ARMC9: variants seen among roughly 807,000 people sequenced by gnomAD.
ARMC9 encodes the protein lisH domain-containing protein ARMC9.
ARMC9 carries 94 observed loss-of-function variants against 107.0 expected under a neutral mutation model. That is an observed-to-expected ratio of 0.88 (90% CI 0.74 to 1.04). The LOEUF is 1.04. Ranked by LOEUF, ARMC9 falls within the 50% of genes least tolerant of loss-of-function variation. The pLI is 0.00. For missense variants in ARMC9, 942 were observed against 1,030.1 expected (o/e 0.91, Z 1.17); for synonymous variants, 380 against 396.9 (o/e 0.96, Z 0.51).
At chr2:231,284,704 A>G (rs904847359) in intron 17 of ARMC9, among the ~76,000 whole-genome samples, 1 of 152,222 alleles carries the variant, frequency 6.6e-6, no homozygotes, top group African/African-American at 2.4e-5. Flanking sequence ...TCTTGGTTAC[A>G]CAGACCCACC....
chr2:231,252,689 T>G (rs57497918), intron 9 of ARMC9, among the ~76,000 whole-genome samples: 18,360 of 152,098 alleles, frequency 0.12, 2,180 homozygotes, highest in African/African-American at 0.3. Flanking sequence ...CAGGCTGGAG[T>G]GCAATGGTGT....
chr2:231,297,127 C>T lies in ARMC9; in HGVS notation c.1773+874C>T, dbSNP rs2041427933. Among the ~76,000 whole-genome samples, 1 of 152,034 alleles carries T rather than the reference C, an allele frequency of 6.6e-6. No homozygotes were observed. The highest frequency in any genetic ancestry group is 6.6e-5 in the Admixed American group (1 of 15,262). On this transcript the variant is annotated intron_variant, in intron 19 of 24. Coordinates refer to ENST00000611582, the MANE Select transcript of ARMC9 (RefSeq NM_001352754.2). The surrounding 1 kb of genome is among the most constrained non-coding windows in gnomAD (Gnocchi z 4.2). ...GTTGGGAAAGAGGTATTTAAGAGCC[C>T]CTGCCAGAGAGGATCTGCTAAGATC...
chr2:231,267,179 G>A (rs542889925), intron 12 of ARMC9, among the ~76,000 whole-genome samples: 2 of 152,260 alleles, frequency 1.3e-5, no homozygotes, highest in East Asian at 1.9e-4. Flanking sequence ...AACACAGAGC[G>A]TCTGGCGGAA....
intron 13 of ARMC9, among the ~76,000 whole-genome samples, chr2:231,272,572 G>A (rs999904458): frequency 3.3e-5 from 5 of 151,626 alleles, no homozygotes; most frequent in African/African-American, 9.7e-5. Context: ...GCTAGAGTGT[G>A]GTGGCACGAT....
chr2:231,259,615 ACT>A (rs1022892402), intron 11 of ARMC9, among the ~76,000 whole-genome samples: 3 of 151,930 alleles, frequency 2.0e-5, no homozygotes, highest in African/African-American at 4.8e-5. Flanking sequence ...GACCCTTTCC[ACT>A]CTCAACAATG....
intron 21 of ARMC9, among the ~76,000 whole-genome samples, chr2:231,353,994 C>CAT (rs2045224140): frequency 8.4e-6 from 1 of 118,928 alleles, no homozygotes; most frequent in African/African-American, 5.8e-5. Flanking sequence ...CACACACACA[C>CAT]ACACACACAC....
At chr2:231,293,097 T>G (rs1449384302) in intron 18 of ARMC9, among the ~76,000 whole-genome samples, 12 of 152,184 alleles carry the variant, frequency 7.9e-5, no homozygotes, top group Non-Finnish European at 1.8e-4. Context: ...ACCTTTGTCC[T>G]TTTTAGGCTG....
chr2:231,271,768 G>A (rs2039345742), intron 13 of ARMC9, among the ~76,000 whole-genome samples: 1 of 152,166 alleles, frequency 6.6e-6, no homozygotes, highest in Admixed American at 6.5e-5. Flanking sequence ...TGAAACTTAT[G>A]TCTGAAATTA....
chr2:231,282,048 TC>T lies in ARMC9; in HGVS notation c.1552-7del. 3 of 1,613,646 alleles carry T rather than the reference TC, an allele frequency of 1.9e-6. No individual in the cohort carries two copies. The highest frequency in any genetic ancestry group is 2.5e-6 in the Non-Finnish European group (3 of 1,179,636). ...ACTTGCAAATAACTGGTTTTTTTCC[TC>T]CCCTTAAAGATACAGCCGTATGTGA... On this transcript the variant is annotated splice_polypyrimidine_tract_variant and intron_variant, in intron 16 of 24. Transcript: ENST00000611582.
At chr2:231,336,827 T>G (rs1322990605) in intron 20 of ARMC9, among the ~76,000 whole-genome samples, 1 of 152,228 alleles carries the variant, frequency 6.6e-6, no homozygotes, top group African/African-American at 2.4e-5. Flanking sequence ...CCCTGGAGAC[T>G]TGGCCCATTT....
intron 17 of ARMC9, chr2:231,288,765 G>A (rs996378879): frequency 8.5e-6 from 4 of 470,002 alleles, no homozygotes; most frequent in Admixed American, 4.7e-5. Context: ...GAGGGGCTAC[G>A]CACCGTGGTT....
intron 9 of ARMC9, among the ~76,000 whole-genome samples, chr2:231,242,091 C>T (rs1418655373): frequency 6.6e-6 from 1 of 152,100 alleles, no homozygotes; most frequent in Non-Finnish European, 1.5e-5. Context: ...AGTTTTCTAC[C>T]CTTCAGGCTT....
chr2:231,375,871 G>A lies in ARMC9; in HGVS notation c.*4336G>A, dbSNP rs538329244. 6.6e-6 allele frequency among the ~76,000 whole-genome samples: 1 copy of A among 152,240 alleles called. No individual in the cohort carries two copies. Among genetic ancestry groups the A allele is most frequent in the Non-Finnish European group, 1.5e-5 (1 of 68,050 alleles). ...GGTGAGAAAGAAGACAGCAGGTGTT[G>A]TGGGAAGTCAGGGACCCCAAACGGA... On this transcript the variant is annotated 3_prime_UTR_variant, in exon 25 of 25. Transcript: ENST00000611582. The surrounding 1 kb of genome is among the most constrained non-coding windows in gnomAD (Gnocchi z 4.3).
chr2:231,326,425 C>A (rs75461580), intron 19 of ARMC9, among the ~76,000 whole-genome samples: 1 of 152,216 alleles, frequency 6.6e-6, no homozygotes, highest in African/African-American at 2.4e-5. Context: ...CCTCAGTAGC[C>A]CCTTCCCTGA....
intron 14 of ARMC9, 65 bp from the exon 15 acceptor site, chr2:231,276,571 A>G (rs2039772858): frequency 3.1e-6 from 5 of 1,604,106 alleles, no homozygotes; most frequent in Admixed American, 1.7e-5. Context: ...CTTCCAGCCT[A>G]CTGTTTCCTC....
chr2:231,215,103 G>T (rs1002448065), intron 4 of ARMC9, 102 bp downstream of exon 4: 28 of 1,369,672 alleles, frequency 2.0e-5, no homozygotes, highest in Non-Finnish European at 2.7e-5. Context: ...TGGCTGTGCT[G>T]TCATAATGCT....
intron 1 of ARMC9, among the ~76,000 whole-genome samples, chr2:231,199,996 C>T (rs1186832464): frequency 4.6e-5 from 7 of 152,154 alleles, no homozygotes; most frequent in Non-Finnish European, 8.8e-5. Flanking sequence ...CTGTGCCTGG[C>T]CAATTCTGTA....
intron 9 of ARMC9, chr2:231,256,384 T>C: frequency 7.7e-7 from 1 of 1,295,898 alleles, no homozygotes; most frequent in Non-Finnish European, 1.1e-6. Context: ...GTCTGCTCCT[T>C]TTTTTTTGTC....
At chr2:231,286,502 T>TG (rs752997493) in intron 17 of ARMC9, among the ~76,000 whole-genome samples, 64 of 152,354 alleles carry the variant, frequency 4.2e-4, no homozygotes, top group Non-Finnish European at 7.5e-4. Flanking sequence ...ATCTATCTTT[T>TG]GGACTCATTC....
Sources: allele counts gnomAD v4.1 joint callset (sites outside exome capture counted in the v4.1 genomes callset), GRCh38; gene constraint gnomAD v4.1.1; non-coding constraint Gnocchi (gnomAD v3.1); transcripts MANE v1.5; gene names NCBI Gene and HGNC (gene_info 2026-07-23, HGNC 2026-07-21).